ADAMTSL3: variants seen among roughly 807,000 people sequenced by gnomAD.
ADAMTSL3 encodes ADAMTS like 3.
In ADAMTSL3, 128 loss-of-function variants were observed where a neutral mutation model predicts 201.7. The observed-to-expected ratio is 0.63, with a 90% CI of 0.55 to 0.73. The LOEUF (loss-of-function observed/expected upper bound fraction) is 0.73, where lower values mean the gene tolerates loss of function less well. Ranked by LOEUF, ADAMTSL3 falls within the 30% of genes least tolerant of loss-of-function variation. The pLI is 0.00. For synonymous variants in ADAMTSL3, 738 were observed against 748.4 expected, an observed-to-expected ratio of 0.99 and a Z score of 0.23; for missense variants, 1,990 against 2,119.6, an observed-to-expected ratio of 0.94 and a Z score of 1.20.
chr15:83,984,813 G>C (rs960486742), intron 21 of ADAMTSL3, among the ~76,000 whole-genome samples: 4 of 152,166 alleles, frequency 2.6e-5, no homozygotes, highest in Non-Finnish European at 4.4e-5. Flanking sequence ...AAGACAGCTG[G>C]ATTCTTTTTC....
intron 2 of ADAMTSL3, among the ~76,000 whole-genome samples, chr15:83,688,578 T>A (rs2061567636): frequency 6.6e-6 from 1 of 152,180 alleles, no homozygotes. Flanking sequence ...TGTATATTTT[T>A]AACCTTTACG....
At chr15:83,838,707 C>G (rs1391329398) in intron 7 of ADAMTSL3, among the ~76,000 whole-genome samples, 1 of 152,040 alleles carries the variant, frequency 6.6e-6, no homozygotes, top group African/African-American at 2.4e-5. Flanking sequence ...AAATATGGTT[C>G]CAGTTTGTTA....
chr15:84,004,621 A>C (rs2141869486), intron 23 of ADAMTSL3, among the ~76,000 whole-genome samples: 1 of 152,272 alleles, frequency 6.6e-6, no homozygotes, highest in African/African-American at 2.4e-5. Context: ...ACTGGGAGTG[A>C]ACTAAAAGCG....
chr15:83,865,087 C>A (rs2064946535), intron 8 of ADAMTSL3, among the ~76,000 whole-genome samples: 3 of 152,230 alleles, frequency 2.0e-5, no homozygotes, highest in African/African-American at 7.2e-5. Context: ...AGGAGAACTA[C>A]AAACCATTCC....
At chr15:83,966,194 G>T (rs1596474907) in intron 19 of ADAMTSL3, among the ~76,000 whole-genome samples, 1 of 152,244 alleles carries the variant, frequency 6.6e-6, no homozygotes, top group South Asian at 2.1e-4. Context: ...GAGCAGAACT[G>T]AGAGAGATAG....
intron 3 of ADAMTSL3, among the ~76,000 whole-genome samples, chr15:83,754,687 T>C (rs960635223): frequency 1.3e-5 from 2 of 152,156 alleles, no homozygotes; most frequent in Admixed American, 6.5e-5. Context: ...CATAGGGCTA[T>C]AGAAATGCCA....
intron 7 of ADAMTSL3, among the ~76,000 whole-genome samples, chr15:83,854,919 C>T (rs2141758130): frequency 6.6e-6 from 1 of 152,208 alleles, no homozygotes; most frequent in African/African-American, 2.4e-5. Context: ...TTAGACATTG[C>T]CTTGGTTTCT....
intron 3 of ADAMTSL3, among the ~76,000 whole-genome samples, chr15:83,704,819 A>G (rs756431252): frequency 1.6e-4 from 25 of 152,200 alleles, no homozygotes; most frequent in Non-Finnish European, 2.6e-4. Flanking sequence ...ATTATCCAAA[A>G]TTCTGTTTTC....
In ADAMTSL3 at chr15:83,970,773, G is replaced by A. The variant is rs540143062; in HGVS notation, c.2644+136G>A. On this transcript the variant is annotated intron_variant, in intron 20 of 29. Coordinates refer to ENST00000286744, the MANE Select transcript of ADAMTSL3 (RefSeq NM_207517.3). ...TCAAGCTGTACTCAGTGTTGTTTTCGGCAGCGATCAGTAGAACGTGGAAGA... is the reference window on the plus strand; with the variant it reads ...TCAAGCTGTACTCAGTGTTGTTTTCAGCAGCGATCAGTAGAACGTGGAAGA... 99 of 1,123,188 alleles carry A rather than the reference G, an allele frequency of 8.8e-5. No homozygotes were observed. In the Middle Eastern group the frequency reaches 1.0e-3, roughly 12 times the overall value. The allele number at this position is 1,123,188 out of a possible 1,614,324, so 69.6% of individuals were successfully genotyped here. A position where few individuals can be genotyped will look rare whatever the true frequency, so the allele number is the denominator to read the frequency against.
chr15:83,839,912 CA>C (rs2064342987), intron 7 of ADAMTSL3, among the ~76,000 whole-genome samples: 2 of 152,192 alleles, frequency 1.3e-5, no homozygotes, highest in Non-Finnish European at 1.5e-5. Context: ...CATAAGTATC[CA>C]ATGTCTAAGT....
In ADAMTSL3 at chr15:83,940,584, C is replaced by A. The variant is rs76545801; in HGVS notation, c.2118-2012C>A. On this transcript the variant is annotated intron_variant, in intron 17 of 29. Transcript: ENST00000286744. ...CTCTCAAAGGTCCCATCTCTAAATA[C>A]CATCATGCTGGGGTTTAGGGCTTCA... Among the ~76,000 whole-genome samples the A allele has an allele frequency of 2.4e-3, 367 of 152,316 alleles. 14 individuals are homozygous for A. In the East Asian group the frequency reaches 0.064, roughly 27 times the overall value.
intron 3 of ADAMTSL3, among the ~76,000 whole-genome samples, chr15:83,770,996 A>AGGAGGT (rs1012197999): frequency 3.9e-5 from 6 of 152,090 alleles, no homozygotes; most frequent in African/African-American, 7.2e-5. Flanking sequence ...GAACCCACCC[A>AGGAGGT]GGAGGTGGAG....
chr15:83,981,012 T>G (rs1229833197), intron 20 of ADAMTSL3, among the ~76,000 whole-genome samples: 1 of 152,194 alleles, frequency 6.6e-6, no homozygotes, highest in East Asian at 1.9e-4. Context: ...GTAAATTAGG[T>G]CCCCATTGCA....
At chr15:83,744,796 A>G (rs896818903) in intron 3 of ADAMTSL3, among the ~76,000 whole-genome samples, 3 of 152,170 alleles carry the variant, frequency 2.0e-5, no homozygotes, top group Non-Finnish European at 2.9e-5. Flanking sequence ...TGTCAGCAGG[A>G]CTGTCGTGTT....
chr15:83,847,233 AT>A (rs1157620413), intron 7 of ADAMTSL3, among the ~76,000 whole-genome samples: 2 of 152,140 alleles, frequency 1.3e-5, no homozygotes, highest in East Asian at 3.9e-4. Flanking sequence ...TTTGTAAAAA[AT>A]TTGCTGTTAA....
Position 83,734,990 on chromosome 15 carries a change from A to G in ADAMTSL3, c.189+30482A>G, listed in dbSNP as rs191609854. ...ACTAGTTTTCAGATATGATTATACT[A>G]TTGTCTGAGCACCACCTGTAGTTAT... is the stretch of plus-strand genomic sequence containing the variant. On this transcript the variant is annotated intron_variant, in intron 3 of 29. Coordinates refer to ENST00000286744, the MANE Select transcript of ADAMTSL3 (RefSeq NM_207517.3). Among the ~76,000 whole-genome samples the G allele has an allele frequency of 7.7e-4, 117 of 152,266 alleles. 1 individual carries two copies. In the Middle Eastern group the frequency reaches 0.037, roughly 49 times the overall value.
intron 6 of ADAMTSL3, among the ~76,000 whole-genome samples, chr15:83,822,518 G>C (rs1367153600): frequency 7.2e-6 from 1 of 139,646 alleles, no homozygotes; most frequent in Non-Finnish European, 1.5e-5. Context: ...TCCCAGACGG[G>C]GTTGCGGCCG....
chr15:83,957,778 C>A (rs984253130), intron 19 of ADAMTSL3, among the ~76,000 whole-genome samples: 19 of 152,030 alleles, frequency 1.2e-4, no homozygotes, highest in African/African-American at 4.1e-4. Context: ...TAAAGAATTA[C>A]AGCTCAGAAA....
At chr15:83,947,807 C>T (rs924551045) in intron 19 of ADAMTSL3, among the ~76,000 whole-genome samples, 3 of 152,086 alleles carry the variant, frequency 2.0e-5, no homozygotes, top group Admixed American at 6.5e-5. Context: ...TCTTTAACTC[C>T]CATGGATGAT....
Sources: gnomAD v4.1 joint callset for allele counts (sites outside exome capture counted in the v4.1 genomes callset) on GRCh38, gnomAD v4.1.1 for gene constraint, MANE v1.5 for transcripts, NCBI Gene and HGNC (gene_info 2026-07-23, HGNC 2026-07-21) for gene names.